The following AKR1C8 variants were observed in gnomAD, a reference collection of about 807,000 sequenced individuals.
AKR1C8 encodes the protein aldo-keto reductase family 1 member C-like protein 1.
chr10:5,122,724 TAGAC>T, the AKR1C8 span, among the ~76,000 whole-genome samples: 1 of 152,016 alleles, frequency 6.6e-6, no homozygotes, highest in Non-Finnish European at 1.5e-5. Flanking sequence ...CAGCTGCAAA[TAGAC>T]AGTATTCAGG....
At chr10:5,163,992 C>T in the AKR1C8 span, among the ~76,000 whole-genome samples, 12 of 152,244 alleles carry the variant, frequency 7.9e-5, no homozygotes, top group South Asian at 2.1e-4. Flanking sequence ...CTTTTGTGGA[C>T]GTGTACACTG....
chr10:5,176,576 C>A, the AKR1C8 span, among the ~76,000 whole-genome samples: 2 of 150,752 alleles, frequency 1.3e-5, no homozygotes, highest in Admixed American at 6.6e-5. Context: ...GGCAGTATGG[C>A]CATTTTCACG....
the AKR1C8 span, among the ~76,000 whole-genome samples, chr10:5,126,804 A>T: frequency 6.6e-6 from 1 of 152,024 alleles, no homozygotes; most frequent in Non-Finnish European, 1.5e-5. Context: ...GGAAGCCATG[A>T]TACAAAGACT....
At chr10:5,158,662 G>T in the AKR1C8 span, 1 of 491,242 alleles carries the variant, frequency 2.0e-6, no homozygotes, top group Admixed American at 2.2e-5. Flanking sequence ...CCTTGGACTT[G>T]CAGAACTCCA....
the AKR1C8 span, chr10:5,123,616 C>G: frequency 3.4e-6 from 4 of 1,182,222 alleles, no homozygotes; most frequent in Non-Finnish European, 4.7e-6. Context: ...CTTACCCTAA[C>G]TCACTGAGAG....
the AKR1C8 span, among the ~76,000 whole-genome samples, chr10:5,118,303 A>C: frequency 6.6e-6 from 1 of 152,192 alleles, no homozygotes; most frequent in African/African-American, 2.4e-5. Context: ...CATTAAACTT[A>C]AAGTTTCAAG....
At chr10:5,141,426 G>T in the AKR1C8 span, among the ~76,000 whole-genome samples, 1 of 151,972 alleles carries the variant, frequency 6.6e-6, no homozygotes, top group Non-Finnish European at 1.5e-5. Context: ...ATTTTCTTAT[G>T]AATTTCTTAC....
chr10:5,160,153 C>A, the AKR1C8 span: 1 of 265,514 alleles, frequency 3.8e-6, no homozygotes, highest in South Asian at 3.1e-5. Context: ...ATACAATTTC[C>A]TAATGCATTA....
the AKR1C8 span, among the ~76,000 whole-genome samples, chr10:5,180,261 T>C: frequency 9.2e-5 from 14 of 152,200 alleles, no homozygotes; most frequent in African/African-American, 3.4e-4. Context: ...TTTGTCTGGG[T>C]ATCCGCAGCA....
the AKR1C8 span, among the ~76,000 whole-genome samples, chr10:5,121,885 C>A: frequency 6.6e-6 from 1 of 152,082 alleles, no homozygotes; most frequent in Non-Finnish European, 1.5e-5. Flanking sequence ...CAGACATAGG[C>A]AGTGTTACTT....
chr10:5,127,613 G>T, the AKR1C8 span, among the ~76,000 whole-genome samples: 1 of 126,992 alleles, frequency 7.9e-6, no homozygotes, highest in Non-Finnish European at 1.7e-5. Context: ...CAGCTACTCA[G>T]GAGCCTGAGT....
chr10:5,162,827 G>T, the AKR1C8 span: 1 of 510,142 alleles, frequency 2.0e-6, no homozygotes, highest in Non-Finnish European at 4.1e-6. Flanking sequence ...AGTGGCCTCT[G>T]GCTACTGTAC....
chr10:5,176,178 T>G, the AKR1C8 span, among the ~76,000 whole-genome samples: 1 of 149,932 alleles, frequency 6.7e-6, no homozygotes, highest in African/African-American at 2.4e-5. Context: ...AAGGATCCAG[T>G]TTCAGCTTTC....
At chr10:5,135,500 C>T in the AKR1C8 span, among the ~76,000 whole-genome samples, 2 of 144,312 alleles carry the variant, frequency 1.4e-5, no homozygotes, top group East Asian at 1.9e-4. Flanking sequence ...GTAAAATTTT[C>T]CATCTGGAAT....
the AKR1C8 span, among the ~76,000 whole-genome samples, chr10:5,179,173 G>C: frequency 3.3e-3 from 499 of 152,106 alleles, no homozygotes; most frequent in Non-Finnish European, 4.5e-3. Context: ...GGGCAGGCCT[G>C]GTGGTGACAA....
At chr10:5,183,360 G>C in the AKR1C8 span, among the ~76,000 whole-genome samples, 1 of 152,050 alleles carries the variant, frequency 6.6e-6, no homozygotes, top group East Asian at 1.9e-4. Flanking sequence ...CACCGAAATC[G>C]TAACAGACAT....
the AKR1C8 span, among the ~76,000 whole-genome samples, chr10:5,140,838 A>AAAG: frequency 2.0e-5 from 3 of 152,088 alleles, no homozygotes; most frequent in African/African-American, 7.2e-5. Context: ...ATAATTTAAA[A>AAAG]AAAGAAAGAA....
the AKR1C8 span, among the ~76,000 whole-genome samples, chr10:5,138,331 A>G: frequency 6.6e-6 from 1 of 152,120 alleles, no homozygotes; most frequent in African/African-American, 2.4e-5. Context: ...ATTCCTTGCT[A>G]GGAAAAGAAT....
At chr10:5,171,952 G>C in the AKR1C8 span, among the ~76,000 whole-genome samples, 1 of 152,032 alleles carries the variant, frequency 6.6e-6, no homozygotes, top group Non-Finnish European at 1.5e-5. Context: ...TTCTTCAATA[G>C]TTTTAAATAC....
Sources: allele counts gnomAD v4.1 joint callset (sites outside exome capture counted in the v4.1 genomes callset), GRCh38; gene constraint gnomAD v4.1.1; transcripts MANE v1.5; gene names NCBI Gene and HGNC (gene_info 2026-07-23, HGNC 2026-07-21).